Variants in PRMT8 observed in about 807,000 individuals in gnomAD.
PRMT8 encodes the protein protein arginine N-methyltransferase 8.
In PRMT8, 7 loss-of-function variants were observed where a neutral mutation model predicts 47.1. The ratio of observed to expected loss-of-function variants is 0.15; its 90% CI spans 0.08 to 0.28. PRMT8 has a LOEUF of 0.28. Among genes scored for constraint, PRMT8 ranks in the 10% least tolerant of loss-of-function variants. The pLI is 1.00. For missense variants in PRMT8, 237 were observed against 505.4 expected (o/e 0.47, Z 5.09); for synonymous variants, 188 against 186.5 (o/e 1.01, Z -0.07).
intron 1 of PRMT8, among the ~76,000 whole-genome samples, chr12:3,531,576 A>T (rs1866031194): frequency 6.6e-6 from 1 of 152,138 alleles, no homozygotes; most frequent in Admixed American, 6.5e-5. Context: ...GTGTGGGTGC[A>T]ATGCCATTTT....
chr12:3,405,138 A>G (rs557864499), intron 1 of PRMT8, among the ~76,000 whole-genome samples: 1 of 152,218 alleles, frequency 6.6e-6, no homozygotes, highest in Non-Finnish European at 1.5e-5. Context: ...GCTTACAATC[A>G]TGGCAGAAGG....
intron 1 of PRMT8, among the ~76,000 whole-genome samples, chr12:3,387,262 CG>C (rs1427902165): frequency 6.6e-6 from 1 of 152,086 alleles, no homozygotes; most frequent in Non-Finnish European, 1.5e-5. Context: ...ATTTCATCAG[CG>C]GATGAAAGAG....
intron 1 of PRMT8, among the ~76,000 whole-genome samples, chr12:3,537,189 T>A (rs1206975475): frequency 1.3e-5 from 2 of 152,254 alleles, no homozygotes; most frequent in African/African-American, 2.4e-5. Flanking sequence ...TGTGGTTGTT[T>A]TGGTGGGAGA....
intron 1 of PRMT8, among the ~76,000 whole-genome samples, chr12:3,485,752 A>C (rs1008929601): frequency 3.3e-5 from 5 of 152,202 alleles, no homozygotes; most frequent in African/African-American, 1.2e-4. Context: ...TTATATATAT[A>C]ACTTAGGTCT....
intron 4 of PRMT8, among the ~76,000 whole-genome samples, chr12:3,565,452 G>A (rs191161370): frequency 3.0e-4 from 45 of 152,310 alleles, no homozygotes; most frequent in Non-Finnish European, 5.3e-4. Context: ...ATTGAAGGGA[G>A]ATGGGTCCTT....
chr12:3,540,392 T>C (rs3759362), intron 1 of PRMT8, among the ~76,000 whole-genome samples: 41,270 of 152,078 alleles, frequency 0.27, 5,914 homozygotes, highest in East Asian at 0.49. Context: ...TCTAGGTGTG[T>C]GTGGCTCCTC....
intron 1 of PRMT8, among the ~76,000 whole-genome samples, chr12:3,497,259 A>G (rs891143898): frequency 1.1e-4 from 17 of 152,192 alleles, no homozygotes; most frequent in Non-Finnish European, 1.9e-4. Flanking sequence ...AGATAGAGTG[A>G]GCACAGGCAA....
chr12:3,524,655 A>G (rs1033627061), intron 1 of PRMT8, among the ~76,000 whole-genome samples: 1 of 151,622 alleles, frequency 6.6e-6, no homozygotes, highest in African/African-American at 2.4e-5. Context: ...AAAAAAAAAA[A>G]AAAAAAAGCA....
At chr12:3,532,464 T>A (rs1205179404) in intron 1 of PRMT8, among the ~76,000 whole-genome samples, 1 of 149,838 alleles carries the variant, frequency 6.7e-6, no homozygotes, top group East Asian at 2.0e-4. Flanking sequence ...ACAAAAAAAT[T>A]AGCCTGGCAT....
chr12:3,419,209 G>A (rs748231919), intron 1 of PRMT8, among the ~76,000 whole-genome samples: 2 of 152,208 alleles, frequency 1.3e-5, no homozygotes, highest in Non-Finnish European at 2.9e-5. Flanking sequence ...CTGAGCTGAC[G>A]GGAGAGCCTC....
chr12:3,409,032 G>T lies in PRMT8; in HGVS notation c.48+27590G>T, dbSNP rs1228267066. Reference sequence around the variant, plus strand: ...GCCCACGAGTGGCTGCAGTGGTGCTGGGTTCTGGGGTGCAGGTGCTCAGAG... The same window carrying T: ...GCCCACGAGTGGCTGCAGTGGTGCTTGGTTCTGGGGTGCAGGTGCTCAGAG... On this transcript the variant is annotated intron_variant, in intron 1 of 9. Coordinates refer to the PRMT8 transcript ENST00000452611. This position sits in a 1 kb window ranked among gnomAD's most constrained non-coding sequence, Gnocchi z 4.4. Among the ~76,000 whole-genome samples the T allele has an allele frequency of 3.3e-5, 5 of 152,200 alleles. No individual in the cohort carries two copies. In the East Asian group the frequency reaches 9.6e-4, roughly 29 times the overall value.
chr12:3,463,752 C>T (rs1865062765), intron 1 of PRMT8, among the ~76,000 whole-genome samples: 1 of 152,194 alleles, frequency 6.6e-6, no homozygotes, highest in Non-Finnish European at 1.5e-5. Flanking sequence ...AGCCACTGCA[C>T]CTGGCCACAA....
intron 1 of PRMT8, among the ~76,000 whole-genome samples, chr12:3,473,708 T>C (rs1364522301): frequency 6.6e-6 from 1 of 152,046 alleles, no homozygotes; most frequent in Non-Finnish European, 1.5e-5. Flanking sequence ...CACCCCCAAA[T>C]CCTCTCCTTT....
chr12:3,531,511 A>G (rs2137153777), intron 1 of PRMT8, among the ~76,000 whole-genome samples: 1 of 152,354 alleles, frequency 6.6e-6, no homozygotes, highest in East Asian at 1.9e-4. Flanking sequence ...CAGGCCCAAC[A>G]AATCCAATAG....
At chr12:3,581,896 CTTTA>C (rs1358024043) in intron 7 of PRMT8, among the ~76,000 whole-genome samples, 12 of 152,316 alleles carry the variant, frequency 7.9e-5, no homozygotes, top group East Asian at 7.7e-4. Context: ...TCTGTTTTTC[CTTTA>C]TTTATCCTGG....
Position 3,493,190 on chromosome 12 carries a change from C to T in PRMT8, c.75+1490C>T, listed in dbSNP as rs1865450232. Among the ~76,000 whole-genome samples the T allele has an allele frequency of 6.6e-6, 1 of 152,196 alleles. No individual in the cohort carries two copies. The stretch of plus-strand genomic sequence containing the variant: ...TCTCCTTGAGTTAGGGCAAAGCCTG[C>T]GTGCCCGCCGTCCCCTCACCACTTC... On this transcript the variant is annotated intron_variant, in intron 1 of 9. Coordinates refer to ENST00000382622, the MANE Select transcript of PRMT8 (RefSeq NM_019854.5). The surrounding 1 kb of genome is among the most constrained non-coding windows in gnomAD (Gnocchi z 8.2).
chr12:3,424,598 G>A (rs533672278), intron 1 of PRMT8, among the ~76,000 whole-genome samples: 6 of 152,078 alleles, frequency 3.9e-5, no homozygotes, highest in Non-Finnish European at 7.4e-5. Flanking sequence ...TATCATTTAC[G>A]AGTCCCTACC....
intron 1 of PRMT8, among the ~76,000 whole-genome samples, chr12:3,533,996 AG>A (rs1477811274): frequency 6.6e-6 from 1 of 152,214 alleles, no homozygotes; most frequent in Non-Finnish European, 1.5e-5. Context: ...AGGTGTGGTG[AG>A]TGTCTAAGGG....
upstream of PRMT8, chr12:3,491,090 G>C (rs1865386750): frequency 2.3e-6 from 2 of 880,268 alleles, no homozygotes; most frequent in African/African-American, 3.6e-5. Context: ...GGCGGGCCCG[G>C]GGGCGCTGGG....
Sources: gnomAD v4.1 joint callset for allele counts (sites outside exome capture counted in the v4.1 genomes callset) on GRCh38, gnomAD v4.1.1 for gene constraint, Gnocchi (gnomAD v3.1) non-coding constraint, MANE v1.5 for transcripts, NCBI Gene and HGNC (gene_info 2026-07-23, HGNC 2026-07-21) for gene names.